Variants in IBTK observed in about 807,000 individuals in gnomAD.
IBTK encodes the protein BTK-binding protein.
Under a neutral mutation model 154.9 loss-of-function variants are expected in IBTK, and 83 were observed. That is an observed-to-expected ratio of 0.54 (90% CI 0.45 to 0.64). IBTK has a LOEUF of 0.64. Among genes scored for constraint, IBTK ranks in the 30% least tolerant of loss-of-function variants. The pLI is 0.00. For synonymous variants in IBTK, 515 were observed against 536.1 expected (o/e 0.96, Z 0.54); for missense variants, 1,332 against 1,584.6 (o/e 0.84, Z 2.71).
intron 27 of IBTK, chr6:82,173,000 CTTT>C (rs59205005): frequency 2.3e-4 from 34 of 148,982 alleles, no homozygotes; most frequent in South Asian, 8.1e-4. Flanking sequence ...CTCTTATTCT[CTTT>C]TTTTTTTTTT....
chr6:82,178,796 A>T (rs1187117988), intron 26 of IBTK, among the ~76,000 whole-genome samples: 1 of 152,250 alleles, frequency 6.6e-6, no homozygotes, highest in Non-Finnish European at 1.5e-5. Flanking sequence ...AACTGAATAG[A>T]TATTGAAAGA....
intron 3 of IBTK, among the ~76,000 whole-genome samples, chr6:82,233,037 A>G (rs1014917963): frequency 2.0e-5 from 3 of 151,908 alleles, no homozygotes; most frequent in African/African-American, 4.8e-5. Flanking sequence ...CTGTAATCCC[A>G]GCTACTCAGG....
At chr6:82,172,634 G>C in intron 27 of IBTK, 122 bp from the exon 28 acceptor site, 1 of 761,422 alleles carries the variant, frequency 1.3e-6, no homozygotes, top group Non-Finnish European at 2.0e-6. Flanking sequence ...AACGAACCTG[G>C]AAGCTTTCAC....
Position 82,179,130 on chromosome 6 carries a change from T to C in IBTK, c.3725+2749A>G, listed in dbSNP as rs144477231. On this transcript the variant is annotated intron_variant, in intron 26 of 28. Transcript: ENST00000306270. Reference sequence around the variant, plus strand: ...TCACACCAGACTGACTCAGAGGTGATAGCACTGGAGATAAAATTTAGTATA... The same window carrying C: ...TCACACCAGACTGACTCAGAGGTGACAGCACTGGAGATAAAATTTAGTATA... Among the ~76,000 whole-genome samples the C allele has an allele frequency of 2.0e-4, 30 of 152,340 alleles. 1 individual carries two copies. In the East Asian group the frequency reaches 5.8e-3, roughly 29 times the overall value.
rs778234031 is a variant in IBTK, at chr6:82,173,435, G to A, written c.3729C>T (p.Cys1243=). The change falls in exon 27 of 29, where the codon TGC becomes TGT. Residue 1243 remains cysteine, a synonymous_variant. Coordinates refer to ENST00000306270, the MANE Select transcript of IBTK (RefSeq NM_015525.4). ...ENSQAPKIVR[C]STHGTPGPEG... is the part of the protein sequence containing the mutation. Reference sequence around the variant, plus strand: ...CTGGTCCTGGGGTACCATGGGTAGAGCATCTGCAAAACAAATGCCAAAATT... The same window carrying A: ...CTGGTCCTGGGGTACCATGGGTAGAACATCTGCAAAACAAATGCCAAAATT... 6.8e-6 allele frequency: 11 copies of A among 1,612,824 alleles called. No individual in the cohort carries two copies. Among genetic ancestry groups the A allele is most frequent in the Non-Finnish European group, 9.3e-6 (11 of 1,179,072 alleles).
At chr6:82,228,556 A>C (rs1258034551) in intron 4 of IBTK, among the ~76,000 whole-genome samples, 1 of 152,140 alleles carries the variant, frequency 6.6e-6, no homozygotes, top group Non-Finnish European at 1.5e-5. Flanking sequence ...ACAACTGCTG[A>C]CTTCTACTAC....
chr6:82,174,879 T>C, intron 26 of IBTK: 1 of 440,770 alleles, frequency 2.3e-6, no homozygotes, highest in Middle Eastern at 3.6e-4. Flanking sequence ...CAGTGTTTTT[T>C]CCATGATCAC....
chr6:82,216,311 A>C, intron 10 of IBTK, 61 bp from the exon 11 acceptor site: 1 of 1,082,640 alleles, frequency 9.2e-7, no homozygotes, highest in East Asian at 2.5e-5. Flanking sequence ...AAAATGATTG[A>C]GAAGTAAATG....
At chr6:82,233,711 G>GTTTTTTTTTTT (rs375746607) in intron 3 of IBTK, among the ~76,000 whole-genome samples, 1 of 122,844 alleles carries the variant, frequency 8.1e-6, no homozygotes, top group Non-Finnish European at 1.7e-5. Flanking sequence ...CATTTGTAAA[G>GTTTTTTTTTTT]TTTTTTTTTT....
chr6:82,230,548 C>G (rs1056444283), intron 4 of IBTK, among the ~76,000 whole-genome samples: 5 of 152,082 alleles, frequency 3.3e-5, no homozygotes, highest in Non-Finnish European at 7.4e-5. Context: ...GACATGGCAC[C>G]TAGGTTCATG....
intron 25 of IBTK, chr6:82,189,042 G>A (rs9361897): frequency 0.22 from 98,811 of 444,110 alleles, 11,413 homozygotes; most frequent in Admixed American, 0.27. Flanking sequence ...AAAAAAAGAA[G>A]AAAAAGTAAG....
In IBTK at chr6:82,240,375, A is replaced by G; in HGVS notation, c.112T>C (p.Ser38Pro). The G allele has an allele frequency of 6.2e-7, 1 of 1,614,200 alleles. No homozygotes were observed. Among genetic ancestry groups the G allele is most frequent in the South Asian group, 1.1e-5 (1 of 91,086 alleles). Residue 38 changes from serine to proline, a missense_variant, in exon 2 of 29, where the codon TCC (serine) becomes CCC (proline). Ser to Pro is a moderately conservative substitution (Grantham distance 74, BLOSUM62 -1). Transcript: ENST00000306270. ...GSENQIKAFL[S>P]SHCYNAATIK... ...GTTGCAGCATTGTAACAATGACTGGAGAGAAAGGCCTTAATCTGGTTTTCG... is the reference window on the plus strand; with the variant it reads ...GTTGCAGCATTGTAACAATGACTGGGGAGAAAGGCCTTAATCTGGTTTTCG...
chr6:82,196,382 A>C lies in IBTK; in HGVS notation c.3090T>G (p.Ser1030=). The C allele has an allele frequency of 6.2e-7, 1 of 1,612,916 alleles. No homozygotes were observed. Among genetic ancestry groups the C allele is most frequent in the Non-Finnish European group, 8.5e-7 (1 of 1,179,160 alleles). ...ESLPELLTSD[S]EGSYAGVGSP... ...TACCCACTCCTGCATAGCTTCCTTC[A>C]GAGTCTGATGTCAACAGTTCTGGAA... Residue 1030 remains serine (S), a synonymous_variant, in exon 22 of 29, where the codon TCT becomes TCG. Coordinates refer to ENST00000306270, the MANE Select transcript of IBTK (RefSeq NM_015525.4).
At position 82,194,489 on chromosome 6, in the gene IBTK, C is replaced by T; in HGVS notation, c.3328G>A (p.Gly1110Ser). ...AAATAAAAATCCTACCTGAAAGAACCAGCAACCCAACTGGCAGAGCTGGTA... is the reference window on the plus strand; with the variant it reads ...AAATAAAAATCCTACCTGAAAGAACTAGCAACCCAACTGGCAGAGCTGGTA... ...DTTSSASWVA[G>S]SFSPVSPPVV... The change falls in exon 23 of 29, where the codon GGT becomes AGT. Residue 1110 changes from glycine to serine, a missense_variant. This residue lies in a region of IBTK where 1,134 missense variants were observed against 1,274.7 expected (regional missense o/e 0.89). Coordinates refer to ENST00000306270, the MANE Select transcript of IBTK (RefSeq NM_015525.4). 1 of 1,571,578 alleles carries T rather than the reference C, an allele frequency of 6.4e-7. No individual in the cohort carries two copies. Among genetic ancestry groups the T allele is most frequent in the South Asian group, 1.2e-5 (1 of 80,650 alleles).
intron 23 of IBTK, among the ~76,000 whole-genome samples, chr6:82,193,623 G>A (rs1419207055): frequency 1.3e-5 from 2 of 152,118 alleles, no homozygotes; most frequent in East Asian, 1.9e-4. Context: ...TGAAGCACAA[G>A]CTTAATTAAC....
At chr6:82,208,193 C>T (rs1351502479) in intron 16 of IBTK, among the ~76,000 whole-genome samples, 1 of 150,730 alleles carries the variant, frequency 6.6e-6, no homozygotes, top group Non-Finnish European at 1.5e-5. Context: ...AATTATCTCT[C>T]TCTATATATA....
At position 82,220,655 on chromosome 6, in the gene IBTK, G is replaced by C. The variant is rs747726072; in HGVS notation, c.1183C>G (p.Pro395Ala). The change falls in exon 9 of 29, where the codon CCT becomes GCT. Residue 395 changes from proline (P) to alanine (A), a missense_variant. By Grantham distance (27) the Pro-to-Ala change is conservative. Around this residue, in one of 3 missense-constraint regions of IBTK, gnomAD observed 1,134 missense variants for 1,274.7 expected, o/e 0.89. Coordinates refer to ENST00000306270, the MANE Select transcript of IBTK (RefSeq NM_015525.4). ...CCCCCATTTTCTTTCAAATGTTCAG[G>C]ATCAACCTTGTATTCCATATGACCC... ...SGGHMEYKVD[P>A]EHLKENGGQK... is the part of the protein sequence containing the mutation. The C allele has an allele frequency of 6.2e-7, 1 of 1,609,204 alleles. No individual in the cohort carries two copies. The highest frequency in any genetic ancestry group is 8.5e-7 in the Non-Finnish European group (1 of 1,177,998).
intron 24 of IBTK, 196 bp downstream of exon 24, chr6:82,191,591 C>A: frequency 3.0e-6 from 2 of 656,184 alleles, no homozygotes; most frequent in South Asian, 3.4e-5. Context: ...TCTACAAGAG[C>A]TGGATTATCA....
chr6:82,208,663 G>A (rs533940642), intron 16 of IBTK, among the ~76,000 whole-genome samples: 113 of 152,192 alleles, frequency 7.4e-4, no homozygotes, highest in Admixed American at 6.7e-3. Flanking sequence ...AGGATCACTT[G>A]AGCTCAGGAC....
Sources: gnomAD v4.1 joint callset for allele counts (sites outside exome capture counted in the v4.1 genomes callset) on GRCh38, gnomAD v4.1.1 for gene constraint, gnomAD v4.1.1 regional missense constraint, MANE v1.5 for transcripts, NCBI Gene and HGNC (gene_info 2026-07-23, HGNC 2026-07-21) for gene names.